Variants in XRCC4 observed in about 807,000 individuals in gnomAD.
XRCC4 encodes the protein DNA repair protein XRCC4.
Under a neutral mutation model 39.1 loss-of-function variants are expected in XRCC4, and 28 were observed. That is an observed-to-expected ratio of 0.72 (90% CI 0.53 to 0.98). The LOEUF (loss-of-function observed/expected upper bound fraction) is 0.98. Ranked by LOEUF, XRCC4 falls within the 50% of genes least tolerant of loss-of-function variation. The pLI, the probability that XRCC4 is intolerant of heterozygous loss-of-function variation, is 0.00. For synonymous variants in XRCC4, 123 were observed against 126.4 expected (o/e 0.97, Z 0.18); for missense variants, 350 against 376.4 (o/e 0.93, Z 0.58).
chr5:83,118,390 CACTT>C (rs1418106387), intron 3 of XRCC4, among the ~76,000 whole-genome samples: 1 of 151,802 alleles, frequency 6.6e-6, no homozygotes, highest in African/African-American at 2.4e-5. Context: ...TAACCTCTGA[CACTT>C]AGGCTCACAA....
At chr5:83,112,208 A>G (rs1023672089) in intron 3 of XRCC4, among the ~76,000 whole-genome samples, 2 of 152,218 alleles carry the variant, frequency 1.3e-5, no homozygotes, top group Admixed American at 6.5e-5. Flanking sequence ...TTAAAATGGT[A>G]ATTTAAAATA....
intron 7 of XRCC4, among the ~76,000 whole-genome samples, chr5:83,293,541 A>AGACT (rs1339180414): frequency 6.6e-6 from 1 of 151,894 alleles, no homozygotes; most frequent in Non-Finnish European, 1.5e-5. Flanking sequence ...TCTTCTAATC[A>AGACT]GACTTTCTTG....
chr5:83,187,496 T>C (rs1750507042), intron 3 of XRCC4, among the ~76,000 whole-genome samples: 1 of 152,164 alleles, frequency 6.6e-6, no homozygotes, highest in African/African-American at 2.4e-5. Flanking sequence ...TGGGGGAACA[T>C]CATTCTGTCT....
rs374807736 is a variant in XRCC4 at position 83,086,881 on chromosome 5, C to T, written c.-11+9266C>T. Among the ~76,000 whole-genome samples, 24 of 152,210 alleles carry T rather than the reference C, an allele frequency of 1.6e-4. No homozygotes were observed. In the East Asian group the frequency reaches 2.7e-3, roughly 17 times the overall value. On this transcript the variant is annotated intron_variant, in intron 1 of 7. Transcript: ENST00000396027. ...TCCCTTAGATATTAAATCAGACATACCTGAACTGAATGTTCGTACCTAAAT... is the reference window on the plus strand; with the variant it reads ...TCCCTTAGATATTAAATCAGACATATCTGAACTGAATGTTCGTACCTAAAT...
At chr5:83,134,140 C>G (rs1236858203) in intron 3 of XRCC4, among the ~76,000 whole-genome samples, 1 of 152,076 alleles carries the variant, frequency 6.6e-6, no homozygotes, top group African/African-American at 2.4e-5. Context: ...GATAGCAGGT[C>G]TCCGTCTCTT....
chr5:83,313,456 T>C (rs886116500), intron 7 of XRCC4, among the ~76,000 whole-genome samples: 3 of 152,180 alleles, frequency 2.0e-5, no homozygotes, highest in African/African-American at 7.2e-5. Flanking sequence ...AGGATATTTA[T>C]TGGGTTTTTT....
chr5:83,188,149 G>T (rs377113033), intron 3 of XRCC4, among the ~76,000 whole-genome samples: 40 of 152,214 alleles, frequency 2.6e-4, no homozygotes, highest in African/African-American at 8.9e-4. Context: ...TCCAGGTATG[G>T]CATTGCTAGG....
intron 7 of XRCC4, among the ~76,000 whole-genome samples, chr5:83,342,950 A>T (rs1297356471): frequency 3.3e-5 from 5 of 152,116 alleles, no homozygotes; most frequent in African/African-American, 4.8e-5. Context: ...GGTCAATCTG[A>T]TAGCTGCTTA....
intron 7 of XRCC4, among the ~76,000 whole-genome samples, chr5:83,316,783 A>G (rs1222350322): frequency 1.4e-5 from 2 of 138,926 alleles, no homozygotes; most frequent in African/African-American, 5.3e-5. Flanking sequence ...TGTCAACATT[A>G]GACAGAACAA....
chr5:83,200,486 AT>A (rs1561399388), intron 4 of XRCC4, among the ~76,000 whole-genome samples: 1 of 152,210 alleles, frequency 6.6e-6, no homozygotes, highest in Non-Finnish European at 1.5e-5. Flanking sequence ...GTTACTTAAG[AT>A]TAACAATATT....
intron 3 of XRCC4, among the ~76,000 whole-genome samples, chr5:83,165,114 G>A (rs1749396869): frequency 6.6e-6 from 1 of 151,770 alleles, no homozygotes; most frequent in Non-Finnish European, 1.5e-5. Flanking sequence ...ATTAAAATTA[G>A]TAATAATTTT....
intron 4 of XRCC4, among the ~76,000 whole-genome samples, chr5:83,200,404 A>C (rs1375446993): frequency 1.3e-5 from 2 of 152,182 alleles, no homozygotes; most frequent in East Asian, 3.9e-4. Flanking sequence ...AACTCACATG[A>C]TACCATTCAT....
At chr5:83,179,412 G>A (rs1750106972) in intron 3 of XRCC4, among the ~76,000 whole-genome samples, 1 of 152,162 alleles carries the variant, frequency 6.6e-6, no homozygotes, top group Non-Finnish European at 1.5e-5. Context: ...GAAAAAGCTA[G>A]GGGCGGGGTT....
chr5:83,304,307 G>A (rs951621563), intron 7 of XRCC4, among the ~76,000 whole-genome samples: 2 of 151,656 alleles, frequency 1.3e-5, no homozygotes, highest in Admixed American at 1.3e-4. Context: ...TGGAGTAGGT[G>A]GGATTACAGG....
intron 1 of XRCC4, among the ~76,000 whole-genome samples, chr5:83,081,858 A>T (rs974462956): frequency 1.3e-5 from 2 of 152,154 alleles, no homozygotes; most frequent in African/African-American, 4.8e-5. Context: ...CTTCATTGGT[A>T]TATTTAAAAG....
chr5:83,193,161 C>G (rs1750787492), intron 3 of XRCC4, among the ~76,000 whole-genome samples: 2 of 152,036 alleles, frequency 1.3e-5, no homozygotes, highest in African/African-American at 4.8e-5. Flanking sequence ...GCACGTGGCC[C>G]CTTGCATCTG....
the XRCC4 span, among the ~76,000 whole-genome samples, chr5:83,362,006 C>G: frequency 4.6e-5 from 7 of 152,080 alleles, no homozygotes; most frequent in Non-Finnish European, 1.0e-4. Flanking sequence ...TGCAAAGCAA[C>G]TTAGCTGCCT....
At chr5:83,175,503 A>G (rs1464842957) in intron 3 of XRCC4, among the ~76,000 whole-genome samples, 1 of 152,172 alleles carries the variant, frequency 6.6e-6, no homozygotes, top group African/African-American at 2.4e-5. Flanking sequence ...ACCATAGTAA[A>G]TGCTGCTAAT....
chr5:83,284,052 C>CAAAAAAAAAAAAAAAA (rs766161565), intron 7 of XRCC4, among the ~76,000 whole-genome samples: 3 of 16,070 alleles, frequency 1.9e-4, no homozygotes, highest in African/African-American at 3.6e-4. Context: ...CAACCCAGAG[C>CAAAAAAAAAAAAAAAA]AAAAAAAAAA....
Sources: allele counts gnomAD v4.1 joint callset (sites outside exome capture counted in the v4.1 genomes callset), GRCh38; gene constraint gnomAD v4.1.1; transcripts MANE v1.5; gene names NCBI Gene and HGNC (gene_info 2026-07-23, HGNC 2026-07-21).